Variants in SNX29 observed in about 807,000 individuals in gnomAD.
The protein encoded by SNX29 is sorting nexin-29.
Under a neutral mutation model 102.1 loss-of-function variants are expected in SNX29, and 78 were observed. The ratio of observed to expected loss-of-function variants is 0.76; its 90% CI spans 0.64 to 0.92. The LOEUF (loss-of-function observed/expected upper bound fraction) is 0.92, where lower values mean the gene tolerates loss of function less well. SNX29 is among the 40% of genes least tolerant of loss of function. The pLI is 0.00. For missense variants in SNX29, 1,280 were observed against 1,061.7 expected (o/e 1.21, Z -2.86); for synonymous variants, 580 against 414.5 (o/e 1.40, Z -4.85).
intron 15 of SNX29, 32 bp from the exon 16 acceptor site, chr16:12,356,131 C>T: frequency 6.3e-7 from 1 of 1,594,750 alleles, no homozygotes; most frequent in South Asian, 1.1e-5. Flanking sequence ...ATGTCTGCCT[C>T]TAAGCCTCAC....
At chr16:12,565,069 C>G (rs1048590793) in intron 20 of SNX29, among the ~76,000 whole-genome samples, 3 of 152,068 alleles carry the variant, frequency 2.0e-5, no homozygotes, top group Non-Finnish European at 4.4e-5. Context: ...GCAAAGGGGC[C>G]CAGTGGGGAC....
intron 10 of SNX29, among the ~76,000 whole-genome samples, chr16:12,075,132 G>A (rs910522832): frequency 7.2e-5 from 11 of 152,156 alleles, no homozygotes; most frequent in Non-Finnish European, 1.2e-4. Flanking sequence ...GCTCAGAGTA[G>A]TTTGATCATC....
chr16:12,314,106 C>G (rs1442402667), intron 15 of SNX29, among the ~76,000 whole-genome samples: 1 of 152,256 alleles, frequency 6.6e-6, no homozygotes, highest in East Asian at 1.9e-4. Context: ...CCACCTCAGC[C>G]TCCTGAGTAG....
At position 12,212,843 on chromosome 16, in the gene SNX29, G is replaced by A. The variant is rs143196762; in HGVS notation, c.1678+13160G>A. Reference sequence around the variant, plus strand: ...ACTCAGTCATAAAGGGCTGGGCGCTGTGGCTCATGCCGGTAATCCCAGCAC... The same window carrying A: ...ACTCAGTCATAAAGGGCTGGGCGCTATGGCTCATGCCGGTAATCCCAGCAC... On this transcript the variant is annotated intron_variant, in intron 14 of 20. Transcript: ENST00000566228. Among the ~76,000 whole-genome samples, 646 of 152,346 alleles carry A rather than the reference G, an allele frequency of 4.2e-3. 4 individuals carry two copies. Among genetic ancestry groups the A allele is most frequent in the African/African-American group, 0.015 (616 of 41,580 alleles).
intron 14 of SNX29, among the ~76,000 whole-genome samples, chr16:12,262,023 C>T (rs1462723355): frequency 6.8e-6 from 1 of 147,036 alleles, no homozygotes; most frequent in Non-Finnish European, 1.5e-5. Flanking sequence ...TTGCTGAGCT[C>T]GGGTCTGTGT....
chr16:12,387,568 G>C (rs2083382377), intron 16 of SNX29, among the ~76,000 whole-genome samples: 1 of 152,196 alleles, frequency 6.6e-6, no homozygotes, highest in South Asian at 2.1e-4. Flanking sequence ...CCATTTTGTT[G>C]AGTGCTTATT....
chr16:12,561,586 C>G (rs760550608), intron 20 of SNX29, among the ~76,000 whole-genome samples: 1 of 152,004 alleles, frequency 6.6e-6, no homozygotes, highest in Admixed American at 6.6e-5. Flanking sequence ...TAATGTCAGC[C>G]GCATGCTGGT....
At chr16:12,128,650 A>G (rs1209636862) in intron 12 of SNX29, among the ~76,000 whole-genome samples, 4 of 151,936 alleles carry the variant, frequency 2.6e-5, no homozygotes, top group Non-Finnish European at 4.4e-5. Flanking sequence ...ATAGGGTTTC[A>G]TCATGTTGGC....
intron 18 of SNX29, 77 bp from the exon 19 acceptor site, chr16:12,477,630 AGTTGGTTTTCAT>A: frequency 6.8e-7 from 1 of 1,472,984 alleles, no homozygotes; most frequent in Non-Finnish European, 9.3e-7. Context: ...CTCTTGCTGC[AGTTGGTTTTCAT>A]GGGGAAAGCA....
intron 8 of SNX29, among the ~76,000 whole-genome samples, chr16:12,056,116 A>G (rs2050511205): frequency 1.3e-5 from 2 of 152,208 alleles, no homozygotes; most frequent in Non-Finnish European, 2.9e-5. Context: ...TCCTGAGCTC[A>G]AGTGATCCAC....
intron 1 of SNX29, among the ~76,000 whole-genome samples, chr16:11,999,028 G>A (rs1240080994): frequency 6.6e-6 from 1 of 152,226 alleles, no homozygotes; most frequent in East Asian, 1.9e-4. Flanking sequence ...GGCCATGGAT[G>A]CAGCTAAACA....
chr16:12,566,267 A>C (rs2079002324), intron 20 of SNX29, among the ~76,000 whole-genome samples: 1 of 152,190 alleles, frequency 6.6e-6, no homozygotes, highest in South Asian at 2.1e-4. Flanking sequence ...GTCAGACAGC[A>C]CTGCCCACAG....
intron 18 of SNX29, among the ~76,000 whole-genome samples, chr16:12,428,280 A>G (rs532544681): frequency 6.6e-6 from 1 of 152,340 alleles, no homozygotes; most frequent in Admixed American, 6.5e-5. Flanking sequence ...TAAAAAATCA[A>G]CAGAGACAAT....
chr16:12,047,106 CT>C (rs1336835360), intron 6 of SNX29, among the ~76,000 whole-genome samples: 2 of 152,172 alleles, frequency 1.3e-5, no homozygotes, highest in African/African-American at 2.4e-5. Context: ...GCTTTGCTGC[CT>C]TTTCTTTCCT....
chr16:12,047,387 A>T (rs1025779100), intron 6 of SNX29, among the ~76,000 whole-genome samples: 2 of 152,108 alleles, frequency 1.3e-5, no homozygotes, highest in Non-Finnish European at 2.9e-5. Context: ...AATCTCAAAT[A>T]TCTGGGGTTG....
intron 4 of SNX29, among the ~76,000 whole-genome samples, chr16:12,041,735 C>T (rs749919359): frequency 4.0e-4 from 61 of 152,188 alleles, no homozygotes; most frequent in African/African-American, 8.7e-4. Flanking sequence ...CTTGTGATTA[C>T]GTCAGCCTCG....
chr16:12,462,741 A>G (rs11075082), intron 18 of SNX29, among the ~76,000 whole-genome samples: 48,021 of 152,062 alleles, frequency 0.32, 7,630 homozygotes, highest in South Asian at 0.41. Context: ...AGGTGTTTGT[A>G]TCTATGAAGA....
At chr16:12,148,642 G>A (rs2055165640) in intron 13 of SNX29, among the ~76,000 whole-genome samples, 1 of 152,170 alleles carries the variant, frequency 6.6e-6, no homozygotes, top group Non-Finnish European at 1.5e-5. Flanking sequence ...ATTTATCACT[G>A]CCTTTTGGTC....
chr16:12,390,491 C>CG (rs1160896669), intron 16 of SNX29, among the ~76,000 whole-genome samples: 5 of 152,234 alleles, frequency 3.3e-5, no homozygotes, highest in African/African-American at 1.2e-4. Flanking sequence ...CTGCAAGCCC[C>CG]GGGACTTCCT....
Sources: gnomAD v4.1 joint callset for allele counts (sites outside exome capture counted in the v4.1 genomes callset) on GRCh38, gnomAD v4.1.1 for gene constraint, MANE v1.5 for transcripts, NCBI Gene and HGNC (gene_info 2026-07-23, HGNC 2026-07-21) for gene names.